The following PAK2 variants were observed in gnomAD, a reference collection of about 807,000 sequenced individuals.
PAK2 encodes p21 (RAC1) activated kinase 2.
Under a neutral mutation model 65.9 loss-of-function variants are expected in PAK2, and 21 were observed. That is an observed-to-expected ratio of 0.32 (90% CI 0.23 to 0.46). The LOEUF is 0.46. Among genes scored for constraint, PAK2 ranks in the 20% least tolerant of loss-of-function variants. PAK2 has a pLI of 1.00. For synonymous variants in PAK2, 204 were observed against 219.7 expected, an observed-to-expected ratio of 0.93 and a Z score of 0.63; for missense variants, 324 against 642.6, an observed-to-expected ratio of 0.50 and a Z score of 5.36.
chr3:196,776,711 A>G (rs1322604534), intron 1 of PAK2, among the ~76,000 whole-genome samples: 2 of 152,188 alleles, frequency 1.3e-5, no homozygotes, highest in Non-Finnish European at 2.9e-5. Context: ...GGGAACCAAT[A>G]TTTTCCAAAA....
chr3:196,821,397 A>G (rs1711646836), intron 13 of PAK2, among the ~76,000 whole-genome samples: 1 of 152,090 alleles, frequency 6.6e-6, no homozygotes, highest in Non-Finnish European at 1.5e-5. Flanking sequence ...CTGTACTCAA[A>G]AAGACAATTA....
chr3:196,796,109 C>G (rs1039232717), intron 2 of PAK2, among the ~76,000 whole-genome samples: 6 of 152,222 alleles, frequency 3.9e-5, no homozygotes, highest in South Asian at 4.1e-4. Flanking sequence ...GATGCTCACT[C>G]ACCTGCCACT....
intron 2 of PAK2, among the ~76,000 whole-genome samples, chr3:196,786,147 G>A (rs1197857803): frequency 6.6e-6 from 1 of 151,014 alleles, no homozygotes; most frequent in East Asian, 1.9e-4. Context: ...ATTTGATATG[G>A]TGGATTTGAT....
intron 1 of PAK2, among the ~76,000 whole-genome samples, chr3:196,743,139 C>G (rs946660326): frequency 1.3e-5 from 2 of 152,098 alleles, no homozygotes; most frequent in Non-Finnish European, 2.9e-5. Flanking sequence ...AAATAAAATA[C>G]TGGTTGTTTT....
At chr3:196,789,522 G>A (rs1030461970) in intron 2 of PAK2, among the ~76,000 whole-genome samples, 48 of 150,884 alleles carry the variant, frequency 3.2e-4, no homozygotes, top group Admixed American at 2.6e-3. Flanking sequence ...GAATGCAATG[G>A]CGTGGTCTCA....
intron 1 of PAK2, among the ~76,000 whole-genome samples, chr3:196,749,989 CTTTTTTTTTT>C: frequency 7.1e-6 from 1 of 141,426 alleles, no homozygotes. Flanking sequence ...CTGGCTATTT[CTTTTTTTTTT>C]TTTTGAAACA....
Position 196,799,495 on chromosome 3 carries a change from G to A in PAK2, c.188-2432G>A, listed in dbSNP as rs541822203. The stretch of plus-strand genomic sequence containing the variant: ...GGACTCATGTCTTTATTGTGGATGC[G>A]AGTTGCTTATAAAAGCCAGTTTGGC... On this transcript the variant is annotated intron_variant, in intron 2 of 14. Coordinates refer to ENST00000327134, the MANE Select transcript of PAK2 (RefSeq NM_002577.4). Among the ~76,000 whole-genome samples, 6 of 151,870 alleles carry A rather than the reference G, an allele frequency of 4.0e-5. No individual in the cohort carries two copies. In the South Asian group the frequency reaches 6.2e-4, roughly 16 times the overall value.
At chr3:196,802,455 C>T (rs1715449502) in intron 3 of PAK2, among the ~76,000 whole-genome samples, 2 of 152,046 alleles carry the variant, frequency 1.3e-5, no homozygotes, top group South Asian at 4.1e-4. Flanking sequence ...ATTCTTACTG[C>T]TTTTTGCTTT....
At chr3:196,782,250 A>G (rs906297682) in intron 1 of PAK2, among the ~76,000 whole-genome samples, 6 of 151,970 alleles carry the variant, frequency 3.9e-5, no homozygotes, top group African/African-American at 1.5e-4. Context: ...CACCTCCCCA[A>G]GATATCCTAT....
chr3:196,775,656 C>T (rs1400368449), intron 1 of PAK2, among the ~76,000 whole-genome samples: 2 of 152,178 alleles, frequency 1.3e-5, no homozygotes, highest in South Asian at 2.1e-4. Context: ...GCTGAGATTA[C>T]AGGCGTGAGC....
Position 196,788,138 on chromosome 3 carries a change from G to A in PAK2, c.187+5305G>A, listed in dbSNP as rs540210998. ...CTTTTCATTCTGGAGCATTCCTCGT[G>A]GATTTTATTCTGTGAAACACTCGGT... On this transcript the variant is annotated intron_variant, in intron 2 of 14. Transcript: ENST00000327134. Among the ~76,000 whole-genome samples, 5 of 152,258 alleles carry A rather than the reference G, an allele frequency of 3.3e-5. No homozygotes were observed. The South Asian group carries it at 1.0e-3, about 32-fold the overall frequency.
At chr3:196,750,355 T>C (rs1479777635) in intron 1 of PAK2, among the ~76,000 whole-genome samples, 1 of 152,096 alleles carries the variant, frequency 6.6e-6, no homozygotes, top group Non-Finnish European at 1.5e-5. Context: ...GGCTGGTAGA[T>C]ACTTCTTTTG....
intron 5 of PAK2, among the ~76,000 whole-genome samples, 159 bp from the exon 6 acceptor site, chr3:196,806,420 G>GATTATA (rs2108759517): frequency 6.6e-6 from 1 of 152,148 alleles, no homozygotes; most frequent in South Asian, 2.1e-4. Context: ...TATTATGTTA[G>GATTATA]ATTATAATTC....
chr3:196,827,345 A>T lies in PAK2; in HGVS notation c.1488+12A>T. 3 of 1,597,744 alleles carry T rather than the reference A, an allele frequency of 1.9e-6. No individual in the cohort carries two copies. The highest frequency in any genetic ancestry group is 2.6e-6 in the Non-Finnish European group (3 of 1,174,586). On this transcript the variant is annotated intron_variant, in intron 14 of 14. Transcript: ENST00000327134. ...AAGAATTATTACAGGTAAATTTAAA[A>T]ATGATTTCATTTGGGGGAATAGTTG...
intron 7 of PAK2, among the ~76,000 whole-genome samples, chr3:196,808,838 G>A (rs981479778): frequency 6.6e-6 from 1 of 152,144 alleles, no homozygotes; most frequent in African/African-American, 2.4e-5. Context: ...TCCAGCCTGG[G>A]CGAAAGAGCG....
In PAK2 at chr3:196,803,177, C is replaced by A; in HGVS notation, c.436+13C>A. ...TTTACTCCTCCTGGTAAGAGAGTGG[C>A]ATAAGGCTGGATCAGATGGAGATTT... On this transcript the variant is annotated intron_variant, in intron 4 of 14. Coordinates refer to ENST00000327134, the MANE Select transcript of PAK2 (RefSeq NM_002577.4). The A allele has an allele frequency of 6.3e-7, 1 of 1,585,104 alleles. No homozygotes were observed. The highest frequency in any genetic ancestry group is 8.6e-7 in the Non-Finnish European group (1 of 1,167,704).
chr3:196,768,061 A>G (rs1234838840), intron 1 of PAK2, among the ~76,000 whole-genome samples: 1 of 152,066 alleles, frequency 6.6e-6, no homozygotes, highest in African/African-American at 2.4e-5. Context: ...AATTCAGTGT[A>G]TGCTAAAACT....
chr3:196,767,550 A>G lies in PAK2; in HGVS notation c.-21-15076A>G, dbSNP rs1714211496. Among the ~76,000 whole-genome samples, 3 of 150,620 alleles carry G rather than the reference A, an allele frequency of 2.0e-5. No homozygotes were observed. The South Asian group carries it at 6.2e-4, about 31-fold the overall frequency. ...GTCACCCAGGCTGGAGTGCAGTGGC[A>G]TGATCTTGGCTCACTGCAACCTCCG... On this transcript the variant is annotated intron_variant, in intron 1 of 14. Transcript: ENST00000327134.
At chr3:196,801,623 A>G (rs1173493195) in intron 2 of PAK2, among the ~76,000 whole-genome samples, 3 of 151,998 alleles carry the variant, frequency 2.0e-5, no homozygotes, top group Non-Finnish European at 4.4e-5. Context: ...CAGGTGGATC[A>G]GGAGTTTGAG....
Sources: gnomAD v4.1 joint callset for allele counts (sites outside exome capture counted in the v4.1 genomes callset) on GRCh38, gnomAD v4.1.1 for gene constraint, MANE v1.5 for transcripts, NCBI Gene and HGNC (gene_info 2026-07-23, HGNC 2026-07-21) for gene names.